The following DPF3 variants were observed in gnomAD, a reference collection of about 807,000 sequenced individuals.
The protein encoded by DPF3 is zinc finger protein DPF3.
Under a neutral mutation model 56.8 loss-of-function variants are expected in DPF3, and 18 were observed. The ratio of observed to expected loss-of-function variants is 0.32; its 90% confidence interval spans 0.22 to 0.47. The LOEUF (loss-of-function observed/expected upper bound fraction) is 0.47, where lower values mean the gene tolerates loss of function less well. DPF3 is among the 20% of genes least tolerant of loss of function. The pLI, the probability that DPF3 is intolerant of heterozygous loss-of-function variation, is 1.00. For missense variants in DPF3, 403 were observed against 488.8 expected, an observed-to-expected ratio of 0.82 and a Z score of 1.65; for synonymous variants, 188 against 180.2, an observed-to-expected ratio of 1.04 and a Z score of -0.35.
chr14:72,828,537 T>TAAAA (rs3058950), intron 1 of DPF3, among the ~76,000 whole-genome samples: 940 of 86,992 alleles, frequency 0.011, 50 homozygotes, highest in African/African-American at 0.039. Flanking sequence ...GACCATGTCT[T>TAAAA]AAAAAAAAAA....
At chr14:72,771,695 C>T in intron 2 of DPF3, 38 bp downstream of exon 2, 13 of 1,585,384 alleles carry the variant, frequency 8.2e-6, no homozygotes, top group Non-Finnish European at 1.0e-5. Context: ...AGGCTGGGAG[C>T]CTGCACATGC....
At chr14:72,829,301 A>T (rs1181559013) in intron 1 of DPF3, among the ~76,000 whole-genome samples, 1 of 152,240 alleles carries the variant, frequency 6.6e-6, no homozygotes, top group Non-Finnish European at 1.5e-5. Context: ...TTGTTATTAA[A>T]TCAAACTCCA....
intron 3 of DPF3, among the ~76,000 whole-genome samples, chr14:72,737,777 C>T (rs1227766112): frequency 6.6e-6 from 1 of 152,152 alleles, no homozygotes; most frequent in African/African-American, 2.4e-5. Context: ...CGCATCCATC[C>T]GTCCATCCAT....
intron 6 of DPF3, among the ~76,000 whole-genome samples, chr14:72,711,431 G>A (rs551441622): frequency 6.6e-6 from 1 of 152,330 alleles, no homozygotes; most frequent in South Asian, 2.1e-4. Flanking sequence ...AAAAGAGCAT[G>A]CACCTGGAGA....
At chr14:72,838,908 CTTTTT>C (rs376458640) in intron 1 of DPF3, among the ~76,000 whole-genome samples, 244 of 78,530 alleles carry the variant, frequency 3.1e-3, no homozygotes, top group African/African-American at 0.016. Context: ...CATATATATT[CTTTTT>C]TTTTTTTTTT....
intron 8 of DPF3, among the ~76,000 whole-genome samples, chr14:72,669,504 A>G (rs1886579057): frequency 6.6e-6 from 1 of 152,112 alleles, no homozygotes; most frequent in Non-Finnish European, 1.5e-5. Flanking sequence ...ATTGGTACCG[A>G]GAGTAAGAAA....
rs942367894 is a variant in DPF3 at position 72,618,508 on chromosome 14, G to A, written c.*789C>T. ...CCATGACTGGTCTCACCTAAAGGAT[G>A]CCCCAGCTCTGAAGGTCAAGGAACC... On this transcript the variant is annotated 3_prime_UTR_variant, in exon 11 of 11. Transcript: ENST00000556509. 3.9e-5 allele frequency among the ~76,000 whole-genome samples: 6 copies of A among 152,198 alleles called. No individual in the cohort carries two copies. The highest frequency in any genetic ancestry group is 1.4e-4 in the African/African-American group (6 of 41,446).
chr14:72,687,100 G>A (rs1236785562), intron 7 of DPF3, among the ~76,000 whole-genome samples: 1 of 152,098 alleles, frequency 6.6e-6, no homozygotes, highest in East Asian at 1.9e-4. Context: ...AATCAACTTG[G>A]TTCTCCCCTT....
At chr14:72,835,671 C>T (rs1049318498) in intron 1 of DPF3, among the ~76,000 whole-genome samples, 2 of 152,098 alleles carry the variant, frequency 1.3e-5, no homozygotes, top group Non-Finnish European at 2.9e-5. Context: ...GGGGAGGAGA[C>T]GCTGATGAAC....
At chr14:72,800,236 G>C (rs999153652) in intron 1 of DPF3, among the ~76,000 whole-genome samples, 1 of 152,212 alleles carries the variant, frequency 6.6e-6, no homozygotes, top group Non-Finnish European at 1.5e-5. Context: ...ATTCTAGCCA[G>C]GGAATGCTAC....
chr14:72,662,605 C>T, intron 8 of DPF3: 1 of 985,152 alleles, frequency 1.0e-6, no homozygotes, highest in Non-Finnish European at 1.2e-6. Context: ...ATTGCACAAA[C>T]TGAGGCCATT....
intron 1 of DPF3, among the ~76,000 whole-genome samples, chr14:72,794,596 C>T (rs574262951): frequency 2.0e-5 from 3 of 152,204 alleles, no homozygotes; most frequent in African/African-American, 7.2e-5. Context: ...GCATCCATTG[C>T]CTTTGTTTAA....
intron 1 of DPF3, among the ~76,000 whole-genome samples, chr14:72,776,197 T>C (rs1025286662): frequency 2.0e-5 from 3 of 152,190 alleles, no homozygotes; most frequent in Non-Finnish European, 4.4e-5. Flanking sequence ...CAAGGGATGA[T>C]TGATGTCTTA....
At chr14:72,782,350 A>G (rs540188726) in intron 1 of DPF3, among the ~76,000 whole-genome samples, 1 of 152,058 alleles carries the variant, frequency 6.6e-6, no homozygotes, top group Non-Finnish European at 1.5e-5. Flanking sequence ...CAGCCTCCAG[A>G]GTAGCTGGGA....
chr14:72,698,879 G>GA (rs1888028529), intron 6 of DPF3, among the ~76,000 whole-genome samples: 1 of 84 alleles, frequency 0.012, no homozygotes, highest in East Asian at 0.5. Context: ...TGTATCCGCA[G>GA]TGCTGTGTCC....
chr14:72,652,902 G>A (rs1452509510), intron 8 of DPF3, among the ~76,000 whole-genome samples: 2 of 152,194 alleles, frequency 1.3e-5, no homozygotes, highest in Non-Finnish European at 2.9e-5. Flanking sequence ...GCAGAGGTGG[G>A]TAGGGTGGGA....
intron 6 of DPF3, among the ~76,000 whole-genome samples, chr14:72,698,362 A>G (rs1047337457): frequency 6.6e-6 from 1 of 152,160 alleles, no homozygotes; most frequent in Non-Finnish European, 1.5e-5. Context: ...ATGTTGCCCA[A>G]CTGTAGGCTA....
At chr14:72,759,952 A>G (rs1890998337) in intron 2 of DPF3, among the ~76,000 whole-genome samples, 2 of 152,158 alleles carry the variant, frequency 1.3e-5, no homozygotes, top group African/African-American at 2.4e-5. Context: ...CAAACTAAAG[A>G]TAGTTTCAGA....
chr14:72,749,781 A>C (rs546066482), intron 3 of DPF3, among the ~76,000 whole-genome samples: 2 of 152,114 alleles, frequency 1.3e-5, no homozygotes, highest in South Asian at 4.1e-4. Flanking sequence ...CCATCTGGGG[A>C]AGTTGAGGCT....
Sources: allele counts gnomAD v4.1 joint callset (sites outside exome capture counted in the v4.1 genomes callset), GRCh38; gene constraint gnomAD v4.1.1; transcripts MANE v1.5; gene names NCBI Gene and HGNC (gene_info 2026-07-23, HGNC 2026-07-21).